The following SUSD4 variants were observed in gnomAD, a reference collection of about 807,000 sequenced individuals.
SUSD4 encodes sushi domain containing 4, also known as sushi domain-containing protein 4.
SUSD4 carries 41 observed loss-of-function variants against 50.5 expected under a neutral mutation model. That is an observed-to-expected ratio of 0.81 (90% confidence interval 0.63 to 1.05). The LOEUF (loss-of-function observed/expected upper bound fraction) is 1.05. SUSD4 is among the 50% of genes least tolerant of loss of function. The probability of loss-of-function intolerance (pLI) is 0.00; values close to 1 mark genes in which losing one functional copy is unlikely to be tolerated. For synonymous variants in SUSD4, 257 were observed against 257.3 expected, an observed-to-expected ratio of 1.00 and a Z score of 0.01; for missense variants, 580 against 634.7, an observed-to-expected ratio of 0.91 and a Z score of 0.93.
intron 6 of SUSD4, among the ~76,000 whole-genome samples, chr1:223,228,463 C>A (rs987837120): frequency 1.3e-5 from 2 of 152,298 alleles, no homozygotes; most frequent in Admixed American, 6.5e-5. Context: ...CAGCACTGCT[C>A]AGGGCAGCAT....
At chr1:223,260,027 C>T (rs1661990296) in intron 5 of SUSD4, among the ~76,000 whole-genome samples, 1 of 152,178 alleles carries the variant, frequency 6.6e-6, no homozygotes, top group Non-Finnish European at 1.5e-5. Flanking sequence ...TACTATTGGT[C>T]TCTGGGGAAA....
intron 2 of SUSD4, among the ~76,000 whole-genome samples, chr1:223,311,287 A>G (rs1341701458): frequency 6.6e-6 from 1 of 152,256 alleles, no homozygotes; most frequent in African/African-American, 2.4e-5. Flanking sequence ...GAAAGGAAGT[A>G]AATCAGAAAT....
intron 5 of SUSD4, among the ~76,000 whole-genome samples, chr1:223,255,772 C>A (rs1322732464): frequency 6.6e-6 from 1 of 152,204 alleles, no homozygotes; most frequent in Non-Finnish European, 1.5e-5. Flanking sequence ...ATTTGCTGCC[C>A]TTTTCTTCCT....
chr1:223,287,170 G>A (rs1664200829), intron 3 of SUSD4, among the ~76,000 whole-genome samples: 1 of 152,194 alleles, frequency 6.6e-6, no homozygotes, highest in Non-Finnish European at 1.5e-5. Context: ...CTGCCTCCTG[G>A]GTTCAAACAA....
At chr1:223,223,158 G>T (rs113269602) in intron 8 of SUSD4, 91 bp downstream of exon 8, 14 of 1,480,564 alleles carry the variant, frequency 9.5e-6, no homozygotes, top group Non-Finnish European at 1.3e-5. Flanking sequence ...TCTGTGCTGG[G>T]GGGTGGAGCG....
intron 2 of SUSD4, among the ~76,000 whole-genome samples, chr1:223,358,211 G>A (rs1319684824): frequency 2.0e-5 from 3 of 152,190 alleles, no homozygotes; most frequent in African/African-American, 7.2e-5. Context: ...CCCCTTAACT[G>A]TGTATCCCCA....
intron 2 of SUSD4, among the ~76,000 whole-genome samples, chr1:223,325,251 A>C (rs957063050): frequency 2.6e-5 from 4 of 152,252 alleles, no homozygotes; most frequent in African/African-American, 9.6e-5. Flanking sequence ...CAAATTAAAA[A>C]ATAAAAATTT....
rs752887580 is a variant in SUSD4 at position 223,344,352 on chromosome 1, A to T, written c.148+18926T>A. ...GAAATGGCACCCAGCCTCTCAGATG[A>T]GTGTCTCACACAAAAATAAATTTTG... On this transcript the variant is annotated intron_variant, in intron 2 of 8. Transcript: ENST00000366878. 3.9e-4 allele frequency among the ~76,000 whole-genome samples: 59 copies of T among 152,138 alleles called. 2 individuals are homozygous for T. The Middle Eastern group carries it at 0.01, about 26-fold the overall frequency.
At chr1:223,298,804 G>A (rs1247649199) in intron 2 of SUSD4, among the ~76,000 whole-genome samples, 1 of 152,206 alleles carries the variant, frequency 6.6e-6, no homozygotes, top group African/African-American at 2.4e-5. Flanking sequence ...ATTTAATTCT[G>A]TATTCTTTCT....
At chr1:223,256,959 C>A (rs959126602) in intron 5 of SUSD4, among the ~76,000 whole-genome samples, 14 of 152,138 alleles carry the variant, frequency 9.2e-5, no homozygotes, top group Non-Finnish European at 1.9e-4. Context: ...TAGGCTGGCG[C>A]CACACTTGCT....
intron 2 of SUSD4, among the ~76,000 whole-genome samples, chr1:223,334,952 A>G (rs1485058544): frequency 6.6e-6 from 1 of 152,006 alleles, no homozygotes; most frequent in Non-Finnish European, 1.5e-5. Flanking sequence ...GCTCCCACTT[A>G]TGAGTGAGAA....
chr1:223,247,539 C>A (rs183832966), intron 5 of SUSD4, among the ~76,000 whole-genome samples: 2 of 152,304 alleles, frequency 1.3e-5, no homozygotes, highest in East Asian at 3.9e-4. Context: ...CAGCGGTCTA[C>A]CATATACAGT....
chr1:223,269,099 C>G (rs1662732188), intron 3 of SUSD4, among the ~76,000 whole-genome samples: 1 of 152,216 alleles, frequency 6.6e-6, no homozygotes, highest in Non-Finnish European at 1.5e-5. Context: ...AGCTGCCCAG[C>G]CATGCCACCT....
At chr1:223,280,362 C>T (rs1663618330) in intron 3 of SUSD4, among the ~76,000 whole-genome samples, 1 of 152,180 alleles carries the variant, frequency 6.6e-6, no homozygotes, top group East Asian at 1.9e-4. Flanking sequence ...CAGATACACA[C>T]ACAGGCTCAA....
rs1422165069 is a variant in SUSD4 at position 223,332,391 on chromosome 1, T to C, written c.148+30887A>G. ...GAATTTCCAACAAGCATCAAAAGGA[T>C]TAAATTGCTTTGGTGAGGTCTCTTA... On this transcript the variant is annotated intron_variant, in intron 2 of 8. Coordinates refer to ENST00000366878, the MANE Select transcript of SUSD4 (RefSeq NM_017982.4). The surrounding 1 kb of genome is among the most constrained non-coding windows in gnomAD (Gnocchi z 4.0). Among the ~76,000 whole-genome samples, 1 of 152,186 alleles carries C rather than the reference T, an allele frequency of 6.6e-6. No individual in the cohort carries two copies. The highest frequency in any genetic ancestry group is 6.5e-5 in the Admixed American group (1 of 15,280).
chr1:223,351,316 T>C (rs542286762), intron 2 of SUSD4, among the ~76,000 whole-genome samples: 3 of 152,316 alleles, frequency 2.0e-5, no homozygotes, highest in African/African-American at 7.2e-5. Context: ...ACATCTAAAG[T>C]AGGGGCACAG....
chr1:223,305,734 T>G (rs1044287537), intron 2 of SUSD4, among the ~76,000 whole-genome samples: 30 of 152,190 alleles, frequency 2.0e-4, no homozygotes, highest in Non-Finnish European at 4.4e-4. Flanking sequence ...GATATACTAT[T>G]TATTATAGCA....
At chr1:223,294,596 T>G (rs1254878659) in intron 2 of SUSD4, among the ~76,000 whole-genome samples, 1 of 152,212 alleles carries the variant, frequency 6.6e-6, no homozygotes, top group Non-Finnish European at 1.5e-5. Context: ...AGTGCTTACT[T>G]TGTGCAGAGG....
intron 3 of SUSD4, among the ~76,000 whole-genome samples, chr1:223,271,371 C>T (rs1469763559): frequency 6.6e-6 from 1 of 152,154 alleles, no homozygotes; most frequent in Non-Finnish European, 1.5e-5. Context: ...CTAGTTAGAG[C>T]TAAAGTTTCC....
Sources: gnomAD v4.1 joint callset for allele counts (sites outside exome capture counted in the v4.1 genomes callset) on GRCh38, gnomAD v4.1.1 for gene constraint, Gnocchi (gnomAD v3.1) non-coding constraint, MANE v1.5 for transcripts, NCBI Gene and HGNC (gene_info 2026-07-23, HGNC 2026-07-21) for gene names.